The following TOP2A variants were observed in gnomAD, a reference collection of about 807,000 sequenced individuals.
TOP2A encodes DNA topoisomerase 2-alpha.
A neutral mutation model predicts 187.2 loss-of-function variants in TOP2A; 68 were observed. That is an observed-to-expected ratio of 0.36 (90% CI 0.30 to 0.44). The LOEUF is 0.44. Among genes scored for constraint, TOP2A ranks in the 20% least tolerant of loss-of-function variants. TOP2A has a pLI of 1.00. For synonymous variants in TOP2A, 542 were observed against 593.2 expected, an observed-to-expected ratio of 0.91 and a Z score of 1.25; for missense variants, 1,196 against 1,808.7, an observed-to-expected ratio of 0.66 and a Z score of 6.14.
chr17:40,394,581 C>T (rs563518697), intron 29 of TOP2A, among the ~76,000 whole-genome samples: 1 of 152,314 alleles, frequency 6.6e-6, no homozygotes, highest in South Asian at 2.1e-4. Flanking sequence ...GATCCGCCAG[C>T]CTCAGCCTCC....
At chr17:40,404,653 C>A in intron 17 of TOP2A, 138 bp downstream of exon 17, 1 of 736,244 alleles carries the variant, frequency 1.4e-6, no homozygotes, top group African/African-American at 1.8e-5. Context: ...AAAGATAAAG[C>A]AAATTTAACT....
In TOP2A at chr17:40,392,315, C is replaced by A. The variant is rs756740455; in HGVS notation, c.3991G>T (p.Asp1331Tyr). 5.3e-5 allele frequency: 85 copies of A among 1,597,496 alleles called. No homozygotes were observed. The highest frequency in any genetic ancestry group is 6.6e-5 in the Non-Finnish European group (77 of 1,171,344). The stretch of plus-strand genomic sequence containing the variant: ...AAATCTGAGAAATCTTCATCTGAAT[C>A]CAAATCCATTGTGAATTTTGTTTTT... Reference protein sequence around the residue: ...ATKTKFTMDLDSDEDFSDFDE... With the variant: ...ATKTKFTMDLYSDEDFSDFDE... The change falls in exon 31 of 35, where the codon GAT becomes TAT. Residue 1331 changes from aspartate to tyrosine, a missense_variant. By Grantham distance (160) the Asp-to-Tyr change is radical. Coordinates refer to ENST00000423485, the MANE Select transcript of TOP2A (RefSeq NM_001067.4).
At position 40,411,188 on chromosome 17, in the gene TOP2A, G is replaced by C. The variant is rs2035317178; in HGVS notation, c.1124C>G (p.Ser375Cys). Residue 375 changes from serine (S) to cysteine (C), a missense_variant, in exon 10 of 35, where the codon TCT (serine) becomes TGT (cysteine). Around this residue, in one of 10 missense-constraint regions of TOP2A, gnomAD observed 252 missense variants for 434.8 expected, o/e 0.58. Transcript: ENST00000423485. This position sits in a 1 kb window ranked among gnomAD's most constrained non-coding sequence, Gnocchi z 4.4. Reference protein sequence around the residue: ...NALIENPTFDSQTKENMTLQP... With the variant: ...NALIENPTFDCQTKENMTLQP... ...TAAAGTCATGTTTTCTTTTGTCTGA[G>C]AGTCAAAGGTTGGGTTTTCAATTAA... The C allele has an allele frequency of 6.2e-7, 1 of 1,613,500 alleles. No individual in the cohort carries two copies. The highest frequency in any genetic ancestry group is 8.5e-7 in the Non-Finnish European group (1 of 1,179,724).
chr17:40,390,247 G>C (rs2035005740), intron 33 of TOP2A, 83 bp from the exon 34 acceptor site: 1 of 1,309,926 alleles, frequency 7.6e-7, no homozygotes, highest in Non-Finnish European at 1.0e-6. Context: ...GGAGTGCAGT[G>C]GTGTTATCTC....
chr17:40,404,788 T>C lies in TOP2A; in HGVS notation c.2046+3A>G. The C allele has an allele frequency of 6.3e-7, 1 of 1,590,422 alleles. No homozygotes were observed. Among genetic ancestry groups the C allele is most frequent in the Non-Finnish European group, 8.6e-7 (1 of 1,163,464 alleles). On this transcript the variant is annotated splice_donor_region_variant and intron_variant, in intron 17 of 34. Coordinates refer to ENST00000423485, the MANE Select transcript of TOP2A (RefSeq NM_001067.4). The stretch of plus-strand genomic sequence containing the variant: ...TTTTGTGGCATATATTTAAAACTTT[T>C]ACCTCAGGAAGCCCAAGTAACTTTC...
At chr17:40,391,678 G>T in intron 32 of TOP2A, 38 bp from the exon 33 acceptor site, 3 of 1,513,466 alleles carry the variant, frequency 2.0e-6, no homozygotes, top group Non-Finnish European at 1.8e-6. Flanking sequence ...GTACATTTAA[G>T]CAACACATGA....
chr17:40,393,381 T>C (rs2035050174), intron 29 of TOP2A, among the ~76,000 whole-genome samples: 9 of 151,868 alleles, frequency 5.9e-5, no homozygotes, highest in Admixed American at 5.9e-4. Flanking sequence ...AAAAAACTTT[T>C]AGAAATTAGC....
chr17:40,399,903 G>C lies in TOP2A; in HGVS notation c.3165C>G (p.Ile1055Met), dbSNP rs1308193795. 1 of 1,605,934 alleles carries C rather than the reference G, an allele frequency of 6.2e-7. No homozygotes were observed. Among genetic ancestry groups the C allele is most frequent in the Non-Finnish European group, 8.5e-7 (1 of 1,177,574 alleles). ...SAKLNNQARF[I>M]LEKIDGKIII... is the part of the protein sequence containing the mutation. ...TTATTTTGCCATCTATTTTCTCTAA[G>C]ATAAAGCGAGCCTGATTATTCAGTT... is the stretch of plus-strand genomic sequence containing the variant. The change falls in exon 24 of 35, where the codon ATC (isoleucine) becomes ATG (methionine). Residue 1055 changes from isoleucine (I) to methionine (M), a missense_variant. Physicochemically the swap from Ile to Met is conservative, Grantham distance 10. Around this residue, in one of 10 missense-constraint regions of TOP2A, gnomAD observed 232 missense variants for 306.1 expected, o/e 0.76. Coordinates refer to ENST00000423485, the MANE Select transcript of TOP2A (RefSeq NM_001067.4).
At chr17:40,416,245 G>A (rs1271094281) in intron 3 of TOP2A, among the ~76,000 whole-genome samples, 177 bp from the exon 4 acceptor site, 2 of 152,200 alleles carry the variant, frequency 1.3e-5, no homozygotes, top group East Asian at 1.9e-4. Flanking sequence ...AACCTCCTGG[G>A]CTCCAGGAAA....
chr17:40,401,422 T>C (rs1407414351), intron 20 of TOP2A, among the ~76,000 whole-genome samples: 2 of 151,990 alleles, frequency 1.3e-5, no homozygotes, highest in African/African-American at 4.8e-5. Flanking sequence ...GAAAAGACAC[T>C]GAGGGCGCCA....
In TOP2A at chr17:40,411,110, G is replaced by T; in HGVS notation, c.1202C>A (p.Ala401Asp). The part of the protein sequence containing the change: ...TCQLSEKFIK[A>D]AIGCGIVESI... ...TTTTATTTTCCTCTAAGTACTCACA[G>T]CTTTGATAAATTTTTCACTCAATTG... is the stretch of plus-strand genomic sequence containing the variant. The change falls in exon 10 of 35, where the codon GCT becomes GAT. Residue 401 changes from alanine (A) to aspartate (D), a missense_variant and splice_region_variant. Ala to Asp is a moderately radical substitution (Grantham distance 126, BLOSUM62 -2). This residue lies in a region of TOP2A where 252 missense variants were observed against 434.8 expected (regional missense o/e 0.58). Coordinates refer to ENST00000423485, the MANE Select transcript of TOP2A (RefSeq NM_001067.4). This position sits in a 1 kb window ranked among gnomAD's most constrained non-coding sequence, Gnocchi z 4.4. 6.2e-7 allele frequency: 1 copy of T among 1,602,996 alleles called. No individual in the cohort carries two copies.
chr17:40,399,254 T>C, intron 24 of TOP2A, 123 bp from the exon 25 acceptor site: 3 of 717,894 alleles, frequency 4.2e-6, no homozygotes, highest in Non-Finnish European at 6.9e-6. Flanking sequence ...TGCATAAATT[T>C]GTATATCCCG....
intron 27 of TOP2A, among the ~76,000 whole-genome samples, chr17:40,397,834 A>G (rs1415148393): frequency 1.4e-5 from 2 of 147,328 alleles, no homozygotes; most frequent in Non-Finnish European, 3.0e-5. Context: ...GCTGGAGTGC[A>G]ATGGTGTGAT....
At chr17:40,407,364 C>T (rs988320193) in intron 13 of TOP2A, among the ~76,000 whole-genome samples, 185 bp downstream of exon 13, 2 of 152,116 alleles carry the variant, frequency 1.3e-5, no homozygotes, top group African/African-American at 4.8e-5. Context: ...CTGTTCAAAT[C>T]CAGACTCACT....
intron 10 of TOP2A, 124 bp from the exon 11 acceptor site, chr17:40,408,754 A>G (rs1417855722): frequency 4.6e-6 from 5 of 1,080,814 alleles, no homozygotes; most frequent in Non-Finnish European, 6.9e-6. Flanking sequence ...ATGTAGAACA[A>G]TAATTTCTGG....
At position 40,395,446 on chromosome 17, in the gene TOP2A, T is replaced by C; in HGVS notation, c.3811+3A>G. ...TACCATTTTTCTAAAAATGTTGTAA[T>C]ACCTGGTTCTCTTTTCTGTTTCTTT... On this transcript the variant is annotated splice_donor_region_variant and intron_variant, in intron 29 of 34. Coordinates refer to ENST00000423485, the MANE Select transcript of TOP2A (RefSeq NM_001067.4). 6.3e-7 allele frequency: 1 copy of C among 1,593,254 alleles called. No homozygotes were observed. The highest frequency in any genetic ancestry group is 8.6e-7 in the Non-Finnish European group (1 of 1,164,950).
intron 20 of TOP2A, among the ~76,000 whole-genome samples, chr17:40,401,436 G>C (rs1408713688): frequency 6.6e-6 from 1 of 152,196 alleles, no homozygotes; most frequent in African/African-American, 2.4e-5. Context: ...GGCGCCAGGT[G>C]CAGTAACTCG....
chr17:40,400,366 T>A lies in TOP2A; in HGVS notation c.2843A>T (p.Glu948Val). The change falls in exon 23 of 35, where the codon GAG (glutamate) becomes GTG (valine). Residue 948 changes from glutamate (E) to valine (V), a missense_variant. Transcript: ENST00000423485. Reference sequence around the variant, plus strand: ...GTCTGTTATGAGAGGAGGTGTCTTCTCGGTGCCATTCAACATGGGTTCTAG... The same window carrying A: ...GTCTGTTATGAGAGGAGGTGTCTTCACGGTGCCATTCAACATGGGTTCTAG... The part of the protein sequence containing the change: ...QVLEPMLNGT[E>V]KTPPLITDYR... 6.2e-7 allele frequency: 1 copy of A among 1,613,698 alleles called. No individual in the cohort carries two copies. Among genetic ancestry groups the A allele is most frequent in the Non-Finnish European group, 8.5e-7 (1 of 1,179,872 alleles).
intron 28 of TOP2A, 43 bp from the exon 29 acceptor site, chr17:40,395,582 G>T (rs761251949): frequency 5.8e-6 from 8 of 1,383,062 alleles, no homozygotes; most frequent in Non-Finnish European, 7.1e-6. Flanking sequence ...AATAAATTCT[G>T]AACTATGGGA....
Sources: gnomAD v4.1 joint callset for allele counts (sites outside exome capture counted in the v4.1 genomes callset) on GRCh38, gnomAD v4.1.1 for gene constraint, gnomAD v4.1.1 regional missense constraint, Gnocchi (gnomAD v3.1) non-coding constraint, MANE v1.5 for transcripts, NCBI Gene and HGNC (gene_info 2026-07-23, HGNC 2026-07-21) for gene names.